The following TTC29 variants were observed in gnomAD, a reference collection of about 807,000 sequenced individuals.
The protein encoded by TTC29 is tetratricopeptide repeat domain 29, also known as tetratricopeptide repeat protein 29.
In TTC29, 49 loss-of-function variants were observed where a neutral mutation model predicts 58.1. The observed-to-expected ratio is 0.84, with a 90% CI of 0.67 to 1.07. TTC29 has a LOEUF of 1.07. TTC29 is among the 50% of genes least tolerant of loss of function. The pLI, the probability that TTC29 is intolerant of heterozygous loss-of-function variation, is 0.00. For synonymous variants in TTC29, 209 were observed against 196.8 expected (o/e 1.06, Z -0.52); for missense variants, 582 against 555.6 (o/e 1.05, Z -0.48).
intron 11 of TTC29, among the ~76,000 whole-genome samples, chr4:146,773,269 T>C (rs945096675): frequency 2.0e-5 from 3 of 152,136 alleles, no homozygotes; most frequent in African/African-American, 7.2e-5. Flanking sequence ...ATAGGAATGT[T>C]GAGAGTAGGC....
intron 6 of TTC29, among the ~76,000 whole-genome samples, chr4:146,897,937 C>T (rs371249563): frequency 1.3e-5 from 2 of 152,256 alleles, no homozygotes; most frequent in East Asian, 3.9e-4. Context: ...GGAATGACCC[C>T]TGGAAAACTG....
intron 11 of TTC29, among the ~76,000 whole-genome samples, chr4:146,750,279 T>A (rs547659798): frequency 8.5e-5 from 13 of 152,298 alleles, no homozygotes; most frequent in African/African-American, 3.1e-4. Context: ...AGTGCTGGGA[T>A]TACAGGCATG....
intron 11 of TTC29, among the ~76,000 whole-genome samples, chr4:146,781,535 T>C (rs1481596258): frequency 6.6e-6 from 1 of 151,872 alleles, no homozygotes; most frequent in African/African-American, 2.4e-5. Context: ...ACATGACAAA[T>C]CAGTAGGCTG....
At chr4:146,759,140 A>G (rs1746681140) in intron 11 of TTC29, among the ~76,000 whole-genome samples, 1 of 152,160 alleles carries the variant, frequency 6.6e-6, no homozygotes, top group South Asian at 2.1e-4. Flanking sequence ...GAAATGAAGC[A>G]GGAGATATTA....
Position 146,909,183 on chromosome 4 carries a change from G to A in TTC29, c.243C>T (p.Phe81=). 2 of 1,613,774 alleles carry A rather than the reference G, an allele frequency of 1.2e-6. No homozygotes were observed. The highest frequency in any genetic ancestry group is 1.1e-5 in the South Asian group (1 of 91,086). Residue 81 remains phenylalanine (F), a synonymous_variant, in exon 5 of 13, where the codon TTC becomes TTT. Coordinates refer to ENST00000325106, the MANE Select transcript of TTC29 (RefSeq NM_031956.4). ...GCTCCATCAGAGCGAAGAGCTCGGT[G>A]AAGGACTTATGATAACCATCTCGCA... is the stretch of plus-strand genomic sequence containing the variant. ...DMLRDGYHKS[F]TELFALMERW... is the part of the protein sequence containing the mutation.
intron 4 of TTC29, among the ~76,000 whole-genome samples, chr4:146,915,997 C>T (rs556314286): frequency 6.6e-6 from 1 of 151,864 alleles, no homozygotes; most frequent in African/African-American, 2.4e-5. Flanking sequence ...AGTGGGTTAT[C>T]CATGTGTCAG....
chr4:146,836,727 A>G (rs961030566), intron 8 of TTC29, among the ~76,000 whole-genome samples: 6 of 152,276 alleles, frequency 3.9e-5, no homozygotes, highest in Admixed American at 2.0e-4. Flanking sequence ...GCATGTTGCC[A>G]ACATGCATAT....
intron 11 of TTC29, among the ~76,000 whole-genome samples, chr4:146,772,210 T>C (rs1249892634): frequency 6.6e-6 from 1 of 152,216 alleles, no homozygotes; most frequent in Non-Finnish European, 1.5e-5. Flanking sequence ...GTCTGTTTAC[T>C]ATGTCGATAG....
chr4:146,797,634 G>T (rs184338246), intron 11 of TTC29, among the ~76,000 whole-genome samples: 18 of 151,412 alleles, frequency 1.2e-4, no homozygotes, highest in Non-Finnish European at 2.5e-4. Flanking sequence ...TCTGTATGTA[G>T]TGTCCTTCCT....
chr4:146,937,536 A>G, intron 4 of TTC29, 58 bp downstream of exon 4: 1 of 1,125,608 alleles, frequency 8.9e-7, no homozygotes, highest in Non-Finnish European at 1.3e-6. Context: ...ATTTCAATAA[A>G]GAATCAAGAC....
chr4:146,918,252 G>A (rs1579982011), intron 4 of TTC29, among the ~76,000 whole-genome samples: 1 of 150,860 alleles, frequency 6.6e-6, no homozygotes, highest in East Asian at 1.9e-4. Context: ...ACTAACCTAA[G>A]TTCAACCTTT....
intron 4 of TTC29, among the ~76,000 whole-genome samples, chr4:146,920,070 G>A (rs1019236834): frequency 1.3e-5 from 2 of 150,860 alleles, no homozygotes; most frequent in Admixed American, 6.6e-5. Context: ...TATTCACCCC[G>A]CCTTTTATCC....
chr4:146,829,107 T>C (rs1727996412), intron 9 of TTC29, among the ~76,000 whole-genome samples: 1 of 152,202 alleles, frequency 6.6e-6, no homozygotes, highest in South Asian at 2.1e-4. Context: ...GGTATAATCA[T>C]TAAATTCATT....
intron 11 of TTC29, among the ~76,000 whole-genome samples, chr4:146,776,688 C>A (rs1256693522): frequency 6.6e-6 from 1 of 152,114 alleles, no homozygotes; most frequent in Non-Finnish European, 1.5e-5. Flanking sequence ...GTCTGGTGGG[C>A]AGTATTAGCA....
intron 11 of TTC29, among the ~76,000 whole-genome samples, chr4:146,713,336 A>G (rs2149994102): frequency 1.3e-5 from 2 of 151,320 alleles, no homozygotes; most frequent in East Asian, 3.9e-4. Context: ...TTTGTCATTC[A>G]TGCATTCATG....
At chr4:146,875,071 A>T in intron 6 of TTC29, 143 bp from the exon 7 acceptor site, 1 of 670,324 alleles carries the variant, frequency 1.5e-6, no homozygotes, top group Non-Finnish European at 2.5e-6. Flanking sequence ...GATGAATTAA[A>T]CTGGGAAAGG....
intron 4 of TTC29, among the ~76,000 whole-genome samples, chr4:146,918,518 T>C (rs1406329062): frequency 6.6e-6 from 1 of 151,220 alleles, no homozygotes; most frequent in Non-Finnish European, 1.5e-5. Flanking sequence ...ATGTTTTGCA[T>C]TAAAGGCAGT....
rs2150216116 is a variant in TTC29, at chr4:146,871,142, A to G, written c.800-3559T>C. Reference sequence around the variant, plus strand: ...ATAAGAAGGATTATACACCACGATCAAGTGGAATTTAGCCCAGCGATGCAA... The same window carrying G: ...ATAAGAAGGATTATACACCACGATCGAGTGGAATTTAGCCCAGCGATGCAA... On this transcript the variant is annotated intron_variant, in intron 7 of 12. Coordinates refer to ENST00000325106, the MANE Select transcript of TTC29 (RefSeq NM_031956.4). Among the ~76,000 whole-genome samples the G allele has an allele frequency of 1.3e-5, 2 of 152,106 alleles. 1 individual carries two copies. Among genetic ancestry groups the G allele is most frequent in the South Asian group, 4.1e-4 (2 of 4,824 alleles).
intron 9 of TTC29, among the ~76,000 whole-genome samples, chr4:146,820,483 T>A (rs1298811793): frequency 6.6e-6 from 1 of 152,178 alleles, no homozygotes; most frequent in Non-Finnish European, 1.5e-5. Context: ...AAATGGTACA[T>A]CTTCTGGGGA....
Sources: gnomAD v4.1 joint callset for allele counts (sites outside exome capture counted in the v4.1 genomes callset) on GRCh38, gnomAD v4.1.1 for gene constraint, MANE v1.5 for transcripts, NCBI Gene and HGNC (gene_info 2026-07-23, HGNC 2026-07-21) for gene names.